Variants in ATG10 observed in about 807,000 individuals in gnomAD.
ATG10 encodes autophagy related 10, also known as ubiquitin-like-conjugating enzyme ATG10.
A neutral mutation model predicts 32.1 loss-of-function variants in ATG10; 30 were observed. The ratio of observed to expected loss-of-function variants is 0.94; its 90% CI spans 0.70 to 1.27. ATG10 has a LOEUF of 1.27. Ranked by LOEUF, ATG10 falls within the 50% of genes most tolerant of loss-of-function variation. The probability of loss-of-function intolerance (pLI) is 0.00; values close to 1 mark genes in which losing one functional copy is unlikely to be tolerated. For missense variants in ATG10, 233 were observed against 262.3 expected (o/e 0.89, Z 0.77); for synonymous variants, 87 against 91.5 (o/e 0.95, Z 0.28).
intron 2 of ATG10, among the ~76,000 whole-genome samples, chr5:81,998,689 G>GA (rs1210656249): frequency 6.6e-6 from 1 of 152,082 alleles, no homozygotes; most frequent in African/African-American, 2.4e-5. Flanking sequence ...AAGGGATGAA[G>GA]AAAAATCTAC....
At chr5:82,075,307 A>G (rs1322387765) in intron 3 of ATG10, among the ~76,000 whole-genome samples, 1 of 152,208 alleles carries the variant, frequency 6.6e-6, no homozygotes, top group East Asian at 1.9e-4. Context: ...GAGAGGTTAG[A>G]CCAGAGTGTT....
At chr5:82,100,001 T>TG (rs1491167367) in intron 3 of ATG10, among the ~76,000 whole-genome samples, 2 of 48,130 alleles carry the variant, frequency 4.2e-5, no homozygotes, top group Admixed American at 1.7e-4. Context: ...TTTTTCTGTG[T>TG]TTTTTTTTTT....
chr5:82,227,048 A>G (rs923889025), intron 5 of ATG10, among the ~76,000 whole-genome samples: 3 of 152,180 alleles, frequency 2.0e-5, no homozygotes, highest in Non-Finnish European at 4.4e-5. Context: ...GAGTATGTGT[A>G]CCCTTGGCGG....
intron 2 of ATG10, among the ~76,000 whole-genome samples, chr5:82,002,837 A>G (rs574909709): frequency 6.6e-6 from 1 of 152,330 alleles, no homozygotes; most frequent in East Asian, 1.9e-4. Context: ...ATCGGATACT[A>G]TGCTTATCAC....
At chr5:81,983,145 C>T (rs2149659593) in intron 1 of ATG10, among the ~76,000 whole-genome samples, 1 of 151,680 alleles carries the variant, frequency 6.6e-6, no homozygotes, top group African/African-American at 2.4e-5. Context: ...CAGAGGTGCC[C>T]CTCACCTCCT....
intron 5 of ATG10, among the ~76,000 whole-genome samples, chr5:82,223,445 GA>G (rs1746002980): frequency 6.6e-6 from 1 of 152,148 alleles, no homozygotes; most frequent in Non-Finnish European, 1.5e-5. Context: ...CTTAAGCAGT[GA>G]AAGACTCTCC....
intron 3 of ATG10, among the ~76,000 whole-genome samples, chr5:82,127,629 A>T (rs1262274241): frequency 1.3e-5 from 2 of 152,084 alleles, no homozygotes; most frequent in African/African-American, 4.8e-5. Flanking sequence ...TCTAATATAG[A>T]TTGCACTGTG....
chr5:82,082,153 G>C (rs551140376), intron 3 of ATG10, among the ~76,000 whole-genome samples: 11 of 151,438 alleles, frequency 7.3e-5, no homozygotes, highest in South Asian at 6.3e-4. Context: ...ATGAGATTTG[G>C]GGGGGGGGAC....
At chr5:82,124,921 T>C (rs1047231868) in intron 3 of ATG10, among the ~76,000 whole-genome samples, 1 of 152,166 alleles carries the variant, frequency 6.6e-6, no homozygotes, top group Non-Finnish European at 1.5e-5. Context: ...GTAAAAGCAT[T>C]CCTATTTCTC....
chr5:81,974,549 A>G (rs1351134092), intron 1 of ATG10, among the ~76,000 whole-genome samples: 1 of 152,168 alleles, frequency 6.6e-6, no homozygotes, highest in East Asian at 1.9e-4. Flanking sequence ...TCAAGAACCT[A>G]CACTGGTTTC....
intron 3 of ATG10, among the ~76,000 whole-genome samples, chr5:82,156,550 C>T (rs946181299): frequency 1.3e-5 from 2 of 152,144 alleles, no homozygotes; most frequent in Admixed American, 1.3e-4. Context: ...TTGGGCCTTC[C>T]TCCTAGAGCA....
intron 3 of ATG10, among the ~76,000 whole-genome samples, chr5:82,070,256 A>C (rs1449951159): frequency 6.6e-6 from 1 of 152,188 alleles, no homozygotes; most frequent in Non-Finnish European, 1.5e-5. Flanking sequence ...GGCAGACTAA[A>C]TCTCGTCTCT....
chr5:82,183,712 A>G (rs918007222), intron 5 of ATG10, among the ~76,000 whole-genome samples: 12 of 152,078 alleles, frequency 7.9e-5, no homozygotes, highest in Non-Finnish European at 1.8e-4. Flanking sequence ...TTCTCTCTCC[A>G]TCTTACTTAC....
intron 5 of ATG10, among the ~76,000 whole-genome samples, 182 bp from the exon 6 acceptor site, chr5:82,252,380 C>T (rs1747288912): frequency 6.6e-6 from 1 of 152,256 alleles, no homozygotes; most frequent in African/African-American, 2.4e-5. Flanking sequence ...AGTCCTTTCT[C>T]ACCAACTTCT....
At chr5:82,076,081 C>T (rs1226814494) in intron 3 of ATG10, among the ~76,000 whole-genome samples, 1 of 152,194 alleles carries the variant, frequency 6.6e-6, no homozygotes, top group Non-Finnish European at 1.5e-5. Flanking sequence ...ACTCCATTAA[C>T]CCTAGGAGTT....
intron 3 of ATG10, among the ~76,000 whole-genome samples, chr5:82,065,545 C>T (rs191357521): frequency 6.6e-6 from 1 of 151,822 alleles, no homozygotes; most frequent in East Asian, 1.9e-4. Context: ...ATAATCGATG[C>T]TGGCTTGGGA....
At chr5:82,123,143 A>G (rs1196961236) in intron 3 of ATG10, among the ~76,000 whole-genome samples, 3 of 152,236 alleles carry the variant, frequency 2.0e-5, no homozygotes, top group African/African-American at 4.8e-5. Flanking sequence ...GATAAAGAAG[A>G]TGTAGTACAT....
intron 5 of ATG10, among the ~76,000 whole-genome samples, chr5:82,237,036 C>T (rs1746584286): frequency 6.6e-6 from 1 of 151,942 alleles, no homozygotes; most frequent in South Asian, 2.1e-4. Context: ...AGTACGATTG[C>T]TTGGTGTTCA....
intron 5 of ATG10, among the ~76,000 whole-genome samples, chr5:82,193,414 G>T (rs1744733773): frequency 6.6e-6 from 1 of 152,140 alleles, no homozygotes; most frequent in Non-Finnish European, 1.5e-5. Flanking sequence ...TTTAATAACT[G>T]AGATTGCAGT....
Sources: gnomAD v4.1 joint callset for allele counts (sites outside exome capture counted in the v4.1 genomes callset) on GRCh38, gnomAD v4.1.1 for gene constraint, MANE v1.5 for transcripts, NCBI Gene and HGNC (gene_info 2026-07-23, HGNC 2026-07-21) for gene names.